KCNN2: variants seen among roughly 807,000 people sequenced by gnomAD.
The protein encoded by KCNN2 is small conductance calcium-activated potassium channel protein 2.
Under a neutral mutation model 55.5 loss-of-function variants are expected in KCNN2, and 24 were observed. The observed-to-expected ratio is 0.43, with a 90% CI of 0.31 to 0.61. The LOEUF (loss-of-function observed/expected upper bound fraction) is 0.61. KCNN2 is among the 20% of genes least tolerant of loss of function. KCNN2 has a pLI of 0.08. For missense variants in KCNN2, 754 were observed against 853.6 expected (o/e 0.88, Z 1.45); for synonymous variants, 431 against 336.1 (o/e 1.28, Z -3.09).
intron 2 of KCNN2, among the ~76,000 whole-genome samples, chr5:114,356,949 A>T (rs1209123728): frequency 1.3e-5 from 2 of 152,126 alleles, no homozygotes; most frequent in Non-Finnish European, 2.9e-5. Context: ...ATTGCTAAGG[A>T]CAGTAAGTTC....
Position 114,258,275 on chromosome 5 carries a change from G to A in KCNN2, c.-185+36710G>A, listed in dbSNP as rs186465329. Among the ~76,000 whole-genome samples, 5 of 152,260 alleles carry A rather than the reference G, an allele frequency of 3.3e-5. No individual in the cohort carries two copies. The East Asian group carries it at 9.7e-4, about 29-fold the overall frequency. On this transcript the variant is annotated intron_variant, in intron 2 of 10. Coordinates refer to the KCNN2 transcript ENST00000512097. ...TTTTGTTGAGGATTTGTGCAGCTAT[G>A]TTCTTCAGTGATATTACTCTGTAGT...
chr5:114,224,150 C>T (rs964052032), intron 2 of KCNN2, among the ~76,000 whole-genome samples: 9 of 152,100 alleles, frequency 5.9e-5, no homozygotes, highest in Non-Finnish European at 1.0e-4. Context: ...GACCACAGAA[C>T]TGTGGTTTTC....
chr5:114,248,214 A>G (rs1295735016), intron 2 of KCNN2, among the ~76,000 whole-genome samples: 1 of 152,204 alleles, frequency 6.6e-6, no homozygotes, highest in Non-Finnish European at 1.5e-5. Flanking sequence ...AGGATGATTC[A>G]AATACGCATT....
At chr5:114,182,289 C>G (rs1377212394) in intron 1 of KCNN2, among the ~76,000 whole-genome samples, 1 of 151,918 alleles carries the variant, frequency 6.6e-6, no homozygotes, top group Non-Finnish European at 1.5e-5. Context: ...CTTTATTACT[C>G]TAGCTTTATA....
intron 3 of KCNN2, among the ~76,000 whole-genome samples, chr5:114,433,204 A>G (rs540281960): frequency 4.6e-5 from 7 of 152,182 alleles, no homozygotes; most frequent in African/African-American, 1.7e-4. Flanking sequence ...AAATACACCA[A>G]TTGGCATTCT....
chr5:114,436,799 A>T (rs180970833), intron 3 of KCNN2, among the ~76,000 whole-genome samples: 1 of 152,222 alleles, frequency 6.6e-6, no homozygotes, highest in South Asian at 2.1e-4. Flanking sequence ...GTGCTATCCA[A>T]TAGAACTTTC....
intron 5 of KCNN2, among the ~76,000 whole-genome samples, chr5:114,480,220 G>T (rs1377157117): frequency 6.6e-6 from 1 of 152,048 alleles, no homozygotes; most frequent in Non-Finnish European, 1.5e-5. Context: ...ATCAGAGAAT[G>T]CTATTAAACA....
At chr5:114,075,617 C>G (rs2931493) in intron 1 of KCNN2, among the ~76,000 whole-genome samples, 1 of 152,134 alleles carries the variant, frequency 6.6e-6, no homozygotes, top group African/African-American at 2.4e-5. Context: ...TCCTTCCCAC[C>G]CTTCCATTTG....
At chr5:114,399,115 T>C (rs1336465464) in intron 2 of KCNN2, among the ~76,000 whole-genome samples, 1 of 152,232 alleles carries the variant, frequency 6.6e-6, no homozygotes, top group Non-Finnish European at 1.5e-5. Context: ...ATCTTTGTTT[T>C]GTGCCAGTTT....
intron 2 of KCNN2, among the ~76,000 whole-genome samples, chr5:114,270,886 T>G (rs1755316310): frequency 6.6e-6 from 1 of 152,100 alleles, no homozygotes; most frequent in Non-Finnish European, 1.5e-5. Flanking sequence ...TTCCTTCGGG[T>G]GGGTTCGTGG....
intron 2 of KCNN2, among the ~76,000 whole-genome samples, chr5:114,274,211 G>A (rs1365962521): frequency 6.8e-6 from 1 of 146,444 alleles, no homozygotes; most frequent in Admixed American, 7.0e-5. Context: ...ATCTGTTTTG[G>A]TACCAGTACC....
Position 114,362,429 on chromosome 5 carries a change from G to T in KCNN2, c.290G>T (p.Gly97Val). ...SLLLRTSSPG[G>V]AFRTRTSSPL... Reference sequence around the variant, plus strand: ...CTGCTCCGCACCTCCTCGCCCGGCGGCGCCTTCCGGACCCGCACCTCCTCG... The same window carrying T: ...CTGCTCCGCACCTCCTCGCCCGGCGTCGCCTTCCGGACCCGCACCTCCTCG... Residue 97 changes from glycine (G) to valine (V), a missense_variant, in exon 1 of 8, where the codon GGC becomes GTC. This residue lies in a region of KCNN2 where 381 missense variants were observed against 259.1 expected (regional missense o/e 1.47). Coordinates refer to ENST00000673685, the MANE Select transcript of KCNN2 (RefSeq NM_021614.4). 1 of 351,724 alleles carries T rather than the reference G, an allele frequency of 2.8e-6. No individual in the cohort carries two copies. Among genetic ancestry groups the T allele is most frequent in the Admixed American group, 5.0e-5 (1 of 20,134 alleles). The allele number at this position is 351,724 out of a possible 1,614,324, so 21.8% of individuals were successfully genotyped here.
At chr5:114,130,302 G>C (rs564725568) in intron 1 of KCNN2, among the ~76,000 whole-genome samples, 22 of 152,118 alleles carry the variant, frequency 1.4e-4, no homozygotes, top group Non-Finnish European at 7.4e-5. Flanking sequence ...GAGTAGGATG[G>C]TATATTTTCC....
intron 2 of KCNN2, among the ~76,000 whole-genome samples, chr5:114,315,577 C>T (rs371380043): frequency 2.4e-4 from 36 of 151,992 alleles, no homozygotes; most frequent in African/African-American, 8.2e-4. Flanking sequence ...ACTATATTTT[C>T]ACATTTCACA....
intron 2 of KCNN2, among the ~76,000 whole-genome samples, chr5:114,394,767 C>G (rs912131996): frequency 3.9e-5 from 6 of 151,970 alleles, no homozygotes; most frequent in Non-Finnish European, 7.4e-5. Flanking sequence ...GAGAGTCTAC[C>G]TTTGTATTAT....
chr5:114,134,027 T>G (rs1205033565), intron 1 of KCNN2, among the ~76,000 whole-genome samples: 1 of 152,180 alleles, frequency 6.6e-6, no homozygotes, highest in Non-Finnish European at 1.5e-5. Context: ...ATGCAGTTCA[T>G]CAGGAGGTCT....
intron 1 of KCNN2, among the ~76,000 whole-genome samples, chr5:114,151,973 A>T (rs539246727): frequency 6.6e-6 from 1 of 152,342 alleles, no homozygotes; most frequent in East Asian, 1.9e-4. Flanking sequence ...GCAATAAGGC[A>T]GTGCCAGATA....
intron 2 of KCNN2, among the ~76,000 whole-genome samples, chr5:114,251,658 G>T (rs1754863515): frequency 6.6e-6 from 1 of 152,096 alleles, no homozygotes; most frequent in Non-Finnish European, 1.5e-5. Context: ...ACTAGATGTG[G>T]TCACGTGTGC....
At position 114,240,960 on chromosome 5, in the gene KCNN2, A is replaced by C. The variant is rs531855798; in HGVS notation, c.-185+19395A>C. ...CAGGCAGATTAAGGAAATTGGTAAG[A>C]TTGCTGAATTAAAAATATATAAAAA... On this transcript the variant is annotated intron_variant, in intron 2 of 10. Coordinates refer to the KCNN2 transcript ENST00000512097. Among the ~76,000 whole-genome samples the C allele has an allele frequency of 7.2e-5, 11 of 152,304 alleles. No individual in the cohort carries two copies. The South Asian group carries it at 2.3e-3, about 32-fold the overall frequency.
Sources: gnomAD v4.1 joint callset for allele counts (sites outside exome capture counted in the v4.1 genomes callset) on GRCh38, gnomAD v4.1.1 for gene constraint, gnomAD v4.1.1 regional missense constraint, MANE v1.5 for transcripts, NCBI Gene and HGNC (gene_info 2026-07-23, HGNC 2026-07-21) for gene names.